The following HM13 variants were observed in gnomAD, a reference collection of about 807,000 sequenced individuals.
The protein encoded by HM13 is histocompatibility minor 13, also known as signal peptide peptidase.
Under a neutral mutation model 50.0 loss-of-function variants are expected in HM13, and 18 were observed. The ratio of observed to expected loss-of-function variants is 0.36; its 90% confidence interval spans 0.25 to 0.53. HM13 has a LOEUF of 0.53. Among genes scored for constraint, HM13 ranks in the 20% least tolerant of loss-of-function variants. The pLI, the probability that HM13 is intolerant of heterozygous loss-of-function variation, is 0.90. For synonymous variants in HM13, 197 were observed against 232.6 expected (o/e 0.85, Z 1.39); for missense variants, 393 against 552.4 (o/e 0.71, Z 2.89).
chr20:31,559,145 T>C (rs1984471818), intron 8 of HM13, among the ~76,000 whole-genome samples: 1 of 152,236 alleles, frequency 6.6e-6, no homozygotes, highest in Non-Finnish European at 1.5e-5. Flanking sequence ...CTGGAACTCC[T>C]GACCTCGTGA....
chr20:31,562,675 G>T (rs1456000622), intron 10 of HM13: 4 of 152,148 alleles, frequency 2.6e-5, no homozygotes, highest in African/African-American at 7.2e-5. Context: ...CACAAAAGCT[G>T]GGGTTTTTTT....
intron 10 of HM13, among the ~76,000 whole-genome samples, chr20:31,564,626 T>TA (rs1984791434): frequency 6.6e-6 from 1 of 151,700 alleles, no homozygotes; most frequent in Non-Finnish European, 1.5e-5. Context: ...TAGAGGGACT[T>TA]ACAGAGCACG....
chr20:31,514,454 C>G lies in HM13; in HGVS notation c.-98C>G. 5.1e-6 allele frequency: 7 copies of G among 1,382,324 alleles called. No individual in the cohort carries two copies. Among genetic ancestry groups the G allele is most frequent in the Non-Finnish European group, 6.9e-6 (7 of 1,011,996 alleles). The allele number at this position is 1,382,324 out of a possible 1,614,324, so 85.6% of individuals were successfully genotyped here. A position where few individuals can be genotyped will look rare whatever the true frequency, so the allele number is the denominator to read the frequency against. On this transcript the variant is annotated 5_prime_UTR_variant, in exon 1 of 13. Transcript: ENST00000398174. This position sits in a 1 kb window ranked among gnomAD's most constrained non-coding sequence, Gnocchi z 4.3. Reference sequence around the variant, plus strand: ...GAGGGAGCACGTCACTTCCTGTTGCCTTAGGGGAACGTGGCTTTCCCTGCA... The same window carrying G: ...GAGGGAGCACGTCACTTCCTGTTGCGTTAGGGGAACGTGGCTTTCCCTGCA...
At chr20:31,548,717 A>G (rs1055866438) in intron 4 of HM13, 24 of 410,658 alleles carry the variant, frequency 5.8e-5, no homozygotes, top group Non-Finnish European at 8.6e-5. Context: ...GCCTTCCCCA[A>G]GGTCACCCAG....
chr20:31,520,647 G>A (rs1020265340), intron 1 of HM13, among the ~76,000 whole-genome samples: 2 of 152,162 alleles, frequency 1.3e-5, no homozygotes, highest in Admixed American at 1.3e-4. Flanking sequence ...ATCAGGTGTA[G>A]GCTTTAGAAA....
chr20:31,527,389 C>A, intron 1 of HM13, 95 bp from the exon 2 acceptor site: 1 of 807,228 alleles, frequency 1.2e-6, no homozygotes, highest in Non-Finnish European at 2.0e-6. Flanking sequence ...ATGAGGCAGG[C>A]AGCATCCCTA....
At chr20:31,522,074 T>A (rs1982197891) in intron 1 of HM13, among the ~76,000 whole-genome samples, 1 of 152,000 alleles carries the variant, frequency 6.6e-6, no homozygotes, top group African/African-American at 2.4e-5. Context: ...CTGTCCAACC[T>A]TGGTTTGTCA....
At chr20:31,536,022 A>G (rs1983085621) in intron 2 of HM13, among the ~76,000 whole-genome samples, 2 of 152,226 alleles carry the variant, frequency 1.3e-5, no homozygotes, top group South Asian at 4.2e-4. Flanking sequence ...TGTCCCCCCA[A>G]GCCCTTGTAT....
At chr20:31,554,676 C>T (rs1197208207) in intron 7 of HM13, 70 bp from the exon 8 acceptor site, 25 of 1,294,438 alleles carry the variant, frequency 1.9e-5, no homozygotes, top group Admixed American at 3.6e-5. Flanking sequence ...TGCGAGACTC[C>T]GTCTCAAAAA....
intron 2 of HM13, among the ~76,000 whole-genome samples, chr20:31,537,845 T>A (rs1446302227): frequency 1.3e-5 from 2 of 152,092 alleles, no homozygotes; most frequent in African/African-American, 4.8e-5. Flanking sequence ...TTCCAACAGC[T>A]CTCCTGGGGC....
Position 31,530,018 on chromosome 20 carries a change from GCAGTGGCTCACCTGTTATCC to G in HM13, c.282+2441_282+2460del, listed in dbSNP as rs1286062726. Among the ~76,000 whole-genome samples, 3 of 151,872 alleles carry G rather than the reference GCAGTGGCTCACCTGTTATCC, an allele frequency of 2.0e-5. No homozygotes were observed. In the East Asian group the frequency reaches 5.8e-4, roughly 29 times the overall value. ...AAAAATATGTACATGTAGGCCTGGT[GCAGTGGCTCACCTGTTATCC>G]CAGTACTTTGGGAGGCTAAGGTGGG... On this transcript the variant is annotated intron_variant, in intron 2 of 12. Transcript: ENST00000398174.
intron 7 of HM13, among the ~76,000 whole-genome samples, chr20:31,552,932 A>T (rs1396934725): frequency 6.6e-6 from 1 of 151,904 alleles, no homozygotes; most frequent in East Asian, 1.9e-4. Context: ...CCAAGATCAC[A>T]CCACTGCACT....
chr20:31,536,156 G>A (rs1230450429), intron 2 of HM13, among the ~76,000 whole-genome samples: 1 of 152,160 alleles, frequency 6.6e-6, no homozygotes, highest in African/African-American at 2.4e-5. Context: ...CTGAGGTCAG[G>A]AGTTCAAGAC....
chr20:31,558,867 G>T (rs2122649790), intron 8 of HM13, among the ~76,000 whole-genome samples: 1 of 152,272 alleles, frequency 6.6e-6, no homozygotes, highest in African/African-American at 2.4e-5. Flanking sequence ...GGGACTACAG[G>T]TGCCTGCCAC....
Position 31,559,656 on chromosome 20 carries a change from G to A in HM13, c.845+9G>A. On this transcript the variant is annotated intron_variant, in intron 9 of 12. Coordinates refer to ENST00000398174, the MANE Select transcript of HM13 (RefSeq NM_178581.3). ...CTGCGCTTTGACATCAGGTGAGTGA[G>A]TGAGGGCCTGCCCCAGCATGGGCTT... The A allele has an allele frequency of 6.2e-7, 1 of 1,613,984 alleles. No homozygotes were observed. The highest frequency in any genetic ancestry group is 8.5e-7 in the Non-Finnish European group (1 of 1,179,866).
rs775200814 is a variant in HM13, at chr20:31,527,540, C to A, written c.240C>A (p.Ile80=). ...GCCGGGATGCCGCCCGCTTCCCCAT[C>A]ATCGCCAGCTGCACACTCTTGGGGC... is the stretch of plus-strand genomic sequence containing the variant. ...ITSRDAARFP[I]IASCTLLGLY... is the part of the protein sequence containing the mutation. Residue 80 remains isoleucine, a synonymous_variant, in exon 2 of 13, where the codon ATC becomes ATA. Coordinates refer to ENST00000398174, the MANE Select transcript of HM13 (RefSeq NM_178581.3). 6.2e-7 allele frequency: 1 copy of A among 1,614,112 alleles called. No individual in the cohort carries two copies. The highest frequency in any genetic ancestry group is 8.5e-7 in the Non-Finnish European group (1 of 1,179,964).
intron 4 of HM13, 37 bp downstream of exon 4, chr20:31,545,072 G>A (rs761023365): frequency 1.3e-6 from 2 of 1,502,650 alleles, no homozygotes; most frequent in East Asian, 2.3e-5. Context: ...GTGTGCCTTG[G>A]GTGTCTTCCT....
intron 8 of HM13, among the ~76,000 whole-genome samples, chr20:31,555,688 G>C (rs540761843): frequency 6.6e-5 from 10 of 152,160 alleles, no homozygotes; most frequent in African/African-American, 2.4e-4. Context: ...GAAGGTTTTA[G>C]CTGGGCACAG....
intron 10 of HM13, among the ~76,000 whole-genome samples, chr20:31,565,629 C>T (rs1984866980): frequency 6.6e-6 from 1 of 152,122 alleles, no homozygotes; most frequent in Non-Finnish European, 1.5e-5. Flanking sequence ...AAGCTCAGTG[C>T]CTGCACAGTA....
Sources: allele counts gnomAD v4.1 joint callset (sites outside exome capture counted in the v4.1 genomes callset), GRCh38; gene constraint gnomAD v4.1.1; non-coding constraint Gnocchi (gnomAD v3.1); transcripts MANE v1.5; gene names NCBI Gene and HGNC (gene_info 2026-07-23, HGNC 2026-07-21).